The following BMPR1A variants were observed in gnomAD, a reference collection of about 807,000 sequenced individuals.
The protein encoded by BMPR1A is bone morphogenetic protein receptor type-1A.
BMPR1A carries 7 observed loss-of-function variants against 66.0 expected under a neutral mutation model. The observed-to-expected ratio is 0.11, with a 90% CI of 0.06 to 0.20. BMPR1A has a LOEUF of 0.20. Ranked by LOEUF, BMPR1A falls within the 10% of genes least tolerant of loss-of-function variation. BMPR1A has a pLI of 1.00. For missense variants in BMPR1A, 408 were observed against 669.1 expected (o/e 0.61, Z 4.31); for synonymous variants, 200 against 229.7 (o/e 0.87, Z 1.17).
Position 86,803,671 on chromosome 10 carries a change from C to G in BMPR1A, c.-267-35194C>G, listed in dbSNP as rs570822811. ...TGGATCTACTTTTGGTCTTTTGTGA[C>G]CTATCTCTTGACAGTGGAATCACAC... On this transcript the variant is annotated intron_variant, in intron 1 of 12. Transcript: ENST00000372037. 6.6e-5 allele frequency among the ~76,000 whole-genome samples: 10 copies of G among 152,176 alleles called. No individual in the cohort carries two copies. The South Asian group carries it at 2.1e-3, about 32-fold the overall frequency.
chr10:86,890,320 TC>T (rs1843130539), intron 4 of BMPR1A, 96 bp downstream of exon 4: 4 of 1,470,396 alleles, frequency 2.7e-6, no homozygotes, highest in Middle Eastern at 1.8e-4. Context: ...GGTTTTTTTT[TC>T]ATTCATATAT....
chr10:86,853,672 A>G (rs1842602270), intron 2 of BMPR1A, among the ~76,000 whole-genome samples: 1 of 152,182 alleles, frequency 6.6e-6, no homozygotes, highest in African/African-American at 2.4e-5. Context: ...CGTCCGGGGG[A>G]GACATCACAT....
intron 1 of BMPR1A, among the ~76,000 whole-genome samples, chr10:86,801,395 T>A (rs1284343696): frequency 6.6e-6 from 1 of 152,212 alleles, no homozygotes; most frequent in African/African-American, 2.4e-5. Context: ...CCCACCTTGG[T>A]CTCTGAAAGT....
intron 2 of BMPR1A, among the ~76,000 whole-genome samples, chr10:86,850,981 G>A (rs146735649): frequency 2.0e-5 from 3 of 152,256 alleles, no homozygotes; most frequent in African/African-American, 7.2e-5. Context: ...TAAACTTAGC[G>A]CTGAACTATT....
intron 4 of BMPR1A, among the ~76,000 whole-genome samples, chr10:86,890,452 AT>A (rs1409728444): frequency 1.3e-5 from 2 of 152,124 alleles, no homozygotes; most frequent in Admixed American, 1.3e-4. Context: ...TTAAAATAAG[AT>A]CAAAGGGATC....
intron 1 of BMPR1A, among the ~76,000 whole-genome samples, chr10:86,796,083 G>T (rs2132823955): frequency 6.6e-6 from 1 of 152,180 alleles, no homozygotes; most frequent in South Asian, 2.1e-4. Flanking sequence ...AGTTTGAAAA[G>T]AATTTTCACA....
chr10:86,824,968 A>T (rs762234585), intron 1 of BMPR1A, among the ~76,000 whole-genome samples: 2 of 152,194 alleles, frequency 1.3e-5, no homozygotes, highest in Non-Finnish European at 2.9e-5. Context: ...ATGCATCATT[A>T]GGAAATAAAT....
At chr10:86,790,600 T>A (rs1343074305) in intron 1 of BMPR1A, among the ~76,000 whole-genome samples, 3 of 152,286 alleles carry the variant, frequency 2.0e-5, no homozygotes, top group African/African-American at 2.4e-5. Context: ...AATGGAATAT[T>A]ACTCACCCAT....
At chr10:86,826,499 C>A (rs1842198123) in intron 1 of BMPR1A, among the ~76,000 whole-genome samples, 1 of 151,978 alleles carries the variant, frequency 6.6e-6, no homozygotes, top group South Asian at 2.1e-4. Context: ...GCCACTACCC[C>A]ACCTCCATCT....
chr10:86,910,983 C>T (rs905407489), intron 7 of BMPR1A, among the ~76,000 whole-genome samples: 1 of 151,764 alleles, frequency 6.6e-6, no homozygotes, highest in African/African-American at 2.4e-5. Context: ...GGTGAAACCT[C>T]ATCTCTATGA....
chr10:86,768,812 T>C (rs1328237620), intron 1 of BMPR1A, among the ~76,000 whole-genome samples: 1 of 152,232 alleles, frequency 6.6e-6, no homozygotes, highest in Non-Finnish European at 1.5e-5. Flanking sequence ...GCCAAAGTTG[T>C]TAATTACTCT....
In BMPR1A at chr10:86,927,005, A is replaced by C. The variant is rs779346779; in HGVS notation, c.*3286A>C. The stretch of plus-strand genomic sequence containing the variant: ...CTGATTTCTTTGGAAATATTTTCAC[A>C]AAAGTTATTTTAATCAGTATTTTTA... On this transcript the variant is annotated 3_prime_UTR_variant, in exon 13 of 13. Coordinates refer to ENST00000372037, the MANE Select transcript of BMPR1A (RefSeq NM_004329.3). The C allele has an allele frequency of 4.8e-5, 9 of 187,634 alleles. No homozygotes were observed. Among genetic ancestry groups the C allele is most frequent in the Non-Finnish European group, 7.9e-5 (7 of 89,084 alleles). The allele number at this position is 187,634 out of a possible 1,614,324, so 11.6% of individuals were successfully genotyped here.
At chr10:86,860,098 C>T (rs1842693398) in intron 2 of BMPR1A, among the ~76,000 whole-genome samples, 1 of 152,050 alleles carries the variant, frequency 6.6e-6, no homozygotes, top group Non-Finnish European at 1.5e-5. Context: ...CTGATTGCAC[C>T]TGTGAATAGC....
chr10:86,827,831 C>G (rs1318808795), intron 1 of BMPR1A, among the ~76,000 whole-genome samples: 2 of 152,174 alleles, frequency 1.3e-5, no homozygotes, highest in Non-Finnish European at 2.9e-5. Flanking sequence ...TATGTCATCT[C>G]TCCCTTCTCC....
chr10:86,856,261 C>A, intron 2 of BMPR1A: 1 of 520,524 alleles, frequency 1.9e-6, no homozygotes, highest in South Asian at 1.4e-5. Flanking sequence ...CTTCTTGTTT[C>A]AAAGTACTTG....
At chr10:86,786,207 G>A (rs4933410) in intron 1 of BMPR1A, among the ~76,000 whole-genome samples, 45,026 of 151,976 alleles carry the variant, frequency 0.3, 7,811 homozygotes, top group East Asian at 0.72. Context: ...ACTCTGCAGG[G>A]TCATTCTCCT....
intron 2 of BMPR1A, among the ~76,000 whole-genome samples, chr10:86,844,639 C>T (rs551390530): frequency 6.6e-6 from 1 of 152,196 alleles, no homozygotes; most frequent in Non-Finnish European, 1.5e-5. Flanking sequence ...CTAATACTCT[C>T]TGTTGAAAAT....
chr10:86,775,293 T>C (rs774311780), intron 1 of BMPR1A, among the ~76,000 whole-genome samples: 2 of 152,246 alleles, frequency 1.3e-5, no homozygotes, highest in Non-Finnish European at 2.9e-5. Context: ...CACTGTCTGT[T>C]ACATCTGATA....
intron 7 of BMPR1A, 31 bp downstream of exon 7, chr10:86,900,157 T>C: frequency 6.2e-7 from 1 of 1,600,190 alleles, no homozygotes. Context: ...AAGCAAAATA[T>C]TTTGTCAAAT....
Sources: gnomAD v4.1 joint callset for allele counts (sites outside exome capture counted in the v4.1 genomes callset) on GRCh38, gnomAD v4.1.1 for gene constraint, MANE v1.5 for transcripts, NCBI Gene and HGNC (gene_info 2026-07-23, HGNC 2026-07-21) for gene names.